Variants in PRELID2 observed in about 807,000 individuals in gnomAD.
The protein encoded by PRELID2 is PRELI domain-containing protein 2.
A neutral mutation model predicts 28.4 loss-of-function variants in PRELID2; 25 were observed. The ratio of observed to expected loss-of-function variants is 0.88; its 90% CI spans 0.64 to 1.23. The LOEUF (loss-of-function observed/expected upper bound fraction) is 1.23, where lower values mean the gene tolerates loss of function less well. PRELID2 is among the 50% of genes most tolerant of loss of function. The pLI is 0.00. For missense variants in PRELID2, 201 were observed against 214.4 expected (o/e 0.94, Z 0.39); for synonymous variants, 76 against 71.6 (o/e 1.06, Z -0.31).
chr5:145,525,872 C>T (rs1013812212), intron 1 of PRELID2, among the ~76,000 whole-genome samples: 2 of 152,152 alleles, frequency 1.3e-5, no homozygotes, highest in African/African-American at 4.8e-5. Context: ...ACAATGAAGG[C>T]CAAACTCCGA....
chr5:145,381,928 C>A, the PRELID2 span, among the ~76,000 whole-genome samples: 2 of 150,006 alleles, frequency 1.3e-5, no homozygotes, highest in Admixed American at 6.7e-5. Flanking sequence ...GAAAAAAAAT[C>A]TATTGAAATA....
intron 1 of PRELID2, among the ~76,000 whole-genome samples, chr5:145,581,416 G>A (rs1041455971): frequency 6.6e-6 from 1 of 152,070 alleles, no homozygotes; most frequent in African/African-American, 2.4e-5. Context: ...ATATGTGGGA[G>A]GTTTGCGTCT....
At chr5:145,284,365 T>A in the PRELID2 span, among the ~76,000 whole-genome samples, 1 of 152,118 alleles carries the variant, frequency 6.6e-6, no homozygotes, top group Non-Finnish European at 1.5e-5. Flanking sequence ...AGGGACATAA[T>A]AAGCAAACCT....
chr5:145,659,915 C>G (rs1354603785), intron 1 of PRELID2, among the ~76,000 whole-genome samples: 1 of 151,998 alleles, frequency 6.6e-6, no homozygotes, highest in East Asian at 1.9e-4. Flanking sequence ...AAAAGGGTAG[C>G]AGGAGAGTAC....
chr5:145,350,867 G>A, the PRELID2 span, among the ~76,000 whole-genome samples: 8 of 152,266 alleles, frequency 5.3e-5, no homozygotes, highest in African/African-American at 1.2e-4. Flanking sequence ...TTTCCTGAAA[G>A]GGAGCATCCT....
the PRELID2 span, among the ~76,000 whole-genome samples, chr5:145,428,135 G>T: frequency 0.83 from 125,920 of 151,946 alleles, 52,583 homozygotes; most frequent in African/African-American, 0.94. Flanking sequence ...ATTTTCATAT[G>T]TTTACTAGAG....
At chr5:145,741,988 A>ATTT (rs1756813198) in intron 1 of PRELID2, among the ~76,000 whole-genome samples, 5 of 123,800 alleles carry the variant, frequency 4.0e-5, no homozygotes, top group Admixed American at 1.7e-4. Context: ...AATTATAATA[A>ATTT]ATTTATTATA....
At chr5:145,280,676 TAAAG>T in the PRELID2 span, among the ~76,000 whole-genome samples, 1 of 151,544 alleles carries the variant, frequency 6.6e-6, no homozygotes, top group Non-Finnish European at 1.5e-5. Flanking sequence ...ATAAAATAAA[TAAAG>T]AGAAATGTTT....
intron 1 of PRELID2, among the ~76,000 whole-genome samples, chr5:145,545,700 C>T (rs1052259526): frequency 1.3e-5 from 2 of 152,130 alleles, no homozygotes; most frequent in African/African-American, 2.4e-5. Context: ...CCCATCTGTC[C>T]AATGTGCTTT....
chr5:145,387,421 T>C, the PRELID2 span, among the ~76,000 whole-genome samples: 1 of 152,102 alleles, frequency 6.6e-6, no homozygotes, highest in Non-Finnish European at 1.5e-5. Flanking sequence ...GGCAATGTCA[T>C]TACATTAGTT....
chr5:145,354,816 G>A, the PRELID2 span, among the ~76,000 whole-genome samples: 1 of 152,072 alleles, frequency 6.6e-6, no homozygotes, highest in Non-Finnish European at 1.5e-5. Context: ...TGCCACTTAG[G>A]GCAGGGGGAG....
the PRELID2 span, among the ~76,000 whole-genome samples, chr5:145,333,410 G>A: frequency 6.6e-6 from 1 of 152,206 alleles, no homozygotes; most frequent in Non-Finnish European, 1.5e-5. Context: ...TGAAAGATGG[G>A]AGTTTTATCT....
the PRELID2 span, among the ~76,000 whole-genome samples, chr5:145,412,022 T>G: frequency 6.6e-6 from 1 of 151,926 alleles, no homozygotes; most frequent in South Asian, 2.1e-4. Flanking sequence ...CAGCAGGGGG[T>G]CCCTGGGCCC....
At chr5:145,741,335 T>C (rs1355511915) in intron 1 of PRELID2, among the ~76,000 whole-genome samples, 1 of 31,786 alleles carries the variant, frequency 3.1e-5, no homozygotes, top group Non-Finnish European at 6.9e-5. Flanking sequence ...TATTTATATA[T>C]AAATAAAATT....
At chr5:145,801,002 A>G (rs976977435) in intron 4 of PRELID2, among the ~76,000 whole-genome samples, 2 of 152,104 alleles carry the variant, frequency 1.3e-5, no homozygotes, top group African/African-American at 2.4e-5. Context: ...CGGACGGATG[A>G]ACAGATGGAC....
the PRELID2 span, among the ~76,000 whole-genome samples, chr5:145,329,472 G>A: frequency 6.6e-6 from 1 of 152,182 alleles, no homozygotes; most frequent in Non-Finnish European, 1.5e-5. Context: ...CTGGTTTGTA[G>A]TTCTCCTTGA....
chr5:145,377,693 T>C, the PRELID2 span, among the ~76,000 whole-genome samples: 5 of 152,140 alleles, frequency 3.3e-5, no homozygotes, highest in Non-Finnish European at 7.4e-5. Context: ...CAACCCCGTT[T>C]TCTTGGTAAA....
chr5:145,444,472 G>T, the PRELID2 span, among the ~76,000 whole-genome samples: 1 of 151,890 alleles, frequency 6.6e-6, no homozygotes, highest in Admixed American at 6.6e-5. Context: ...TCCCCACACT[G>T]TCATTTTTGC....
chr5:145,548,597 T>C (rs1359908452), intron 1 of PRELID2, among the ~76,000 whole-genome samples: 1 of 152,176 alleles, frequency 6.6e-6, no homozygotes, highest in African/African-American at 2.4e-5. Context: ...TGGGCATCAT[T>C]TCTGTTGAGC....
Sources: gnomAD v4.1 joint callset for allele counts (sites outside exome capture counted in the v4.1 genomes callset) on GRCh38, gnomAD v4.1.1 for gene constraint, MANE v1.5 for transcripts, NCBI Gene and HGNC (gene_info 2026-07-23, HGNC 2026-07-21) for gene names.